The following HS1BP3 variants were observed in gnomAD, a reference collection of about 807,000 sequenced individuals.
HS1BP3 encodes HCLS1-binding protein 3.
A neutral mutation model predicts 33.5 loss-of-function variants in HS1BP3; 32 were observed. The observed-to-expected ratio is 0.95, with a 90% CI of 0.72 to 1.28. The LOEUF (loss-of-function observed/expected upper bound fraction) is 1.28. Ranked by LOEUF, HS1BP3 falls within the 50% of genes most tolerant of loss-of-function variation. The pLI is 0.00. For missense variants in HS1BP3, 486 were observed against 502.3 expected, an observed-to-expected ratio of 0.97 and a Z score of 0.31; for synonymous variants, 187 against 209.2, an observed-to-expected ratio of 0.89 and a Z score of 0.92.
chr2:20,641,295 C>T, intron 2 of HS1BP3, 115 bp from the exon 3 acceptor site: 1 of 881,626 alleles, frequency 1.1e-6, no homozygotes, highest in South Asian at 1.5e-5. Context: ...GCCAGGTACG[C>T]CCGCCTGCTG....
intron 5 of HS1BP3, among the ~76,000 whole-genome samples, chr2:20,583,339 G>T (rs1173004664): frequency 2.6e-5 from 4 of 151,408 alleles, no homozygotes; most frequent in Admixed American, 1.3e-4. Flanking sequence ...GAGCCAGGCA[G>T]GAACCAGGGA....
chr2:20,587,991 C>T (rs1693722618), downstream of HS1BP3, among the ~76,000 whole-genome samples: 1 of 151,992 alleles, frequency 6.6e-6, no homozygotes, highest in African/African-American at 2.4e-5. Context: ...GACACTTATC[C>T]CCACCCCAGG....
chr2:20,592,953 A>G (rs1255337435), intron 3 of HS1BP3, among the ~76,000 whole-genome samples: 6 of 152,180 alleles, frequency 3.9e-5, no homozygotes, highest in African/African-American at 1.4e-4. Context: ...CAAGAATTCA[A>G]CCCACGATAT....
At chr2:20,619,301 C>G in intron 6 of HS1BP3, 56 bp from the exon 7 acceptor site, 1 of 1,439,082 alleles carries the variant, frequency 6.9e-7, no homozygotes, top group South Asian at 1.3e-5. Context: ...GTGACAGGAA[C>G]AAGACCCCAG....
intron 5 of HS1BP3, among the ~76,000 whole-genome samples, chr2:20,575,212 C>T (rs1195611601): frequency 6.6e-6 from 1 of 152,224 alleles, no homozygotes; most frequent in East Asian, 1.9e-4. Flanking sequence ...TTCACACCCT[C>T]AAGGGAAGCA....
intron 6 of HS1BP3, chr2:20,622,070 G>T: frequency 1.6e-6 from 1 of 643,846 alleles, no homozygotes; most frequent in Non-Finnish European, 2.2e-6. Flanking sequence ...TGGCTGCACA[G>T]CCAGAAGGAA....
chr2:20,572,553 G>C (rs1415171312), intron 5 of HS1BP3, among the ~76,000 whole-genome samples: 2 of 150,272 alleles, frequency 1.3e-5, no homozygotes, highest in African/African-American at 4.9e-5. Flanking sequence ...TCAACTGTGA[G>C]ATCTCGGTCA....
At chr2:20,594,997 G>A (rs531963645) in intron 3 of HS1BP3, among the ~76,000 whole-genome samples, 2 of 152,074 alleles carry the variant, frequency 1.3e-5, no homozygotes, top group East Asian at 1.9e-4. Context: ...ACACGTTGTC[G>A]GGAGTAAAAA....
intron 2 of HS1BP3, 82 bp from the exon 3 acceptor site, chr2:20,641,262 G>C: frequency 5.4e-6 from 7 of 1,293,374 alleles, no homozygotes; most frequent in African/African-American, 1.5e-5. Flanking sequence ...GGGTTCCCAA[G>C]GCCCAGCAGC....
At chr2:20,575,289 C>A (rs919043343) in intron 5 of HS1BP3, among the ~76,000 whole-genome samples, 1 of 152,214 alleles carries the variant, frequency 6.6e-6, no homozygotes, top group African/African-American at 2.4e-5. Flanking sequence ...GAATCAGGGC[C>A]GCAGCCTGGA....
intron 2 of HS1BP3, among the ~76,000 whole-genome samples, chr2:20,601,813 C>G (rs905946938): frequency 5.5e-5 from 6 of 108,516 alleles, no homozygotes; most frequent in African/African-American, 1.4e-4. Context: ...GAGTCTTGCT[C>G]TGTTGCCCAG....
intron 5 of HS1BP3, chr2:20,586,694 T>A (rs140145831): frequency 3.1e-4 from 47 of 152,248 alleles, no homozygotes; most frequent in African/African-American, 8.9e-4. Context: ...GCAACACATA[T>A]ATGCAACAGA....
downstream of HS1BP3, among the ~76,000 whole-genome samples, chr2:20,560,089 G>A (rs981845344): frequency 5.3e-5 from 8 of 152,310 alleles, no homozygotes; most frequent in African/African-American, 1.7e-4. Context: ...GCAGGGCTGG[G>A]GAGGCACAGA....
intron 3 of HS1BP3, among the ~76,000 whole-genome samples, chr2:20,594,699 C>T (rs1227998474): frequency 2.0e-5 from 3 of 152,128 alleles, no homozygotes; most frequent in Non-Finnish European, 4.4e-5. Context: ...AACAAAATAC[C>T]GTGGATGGGG....
intron 6 of HS1BP3, among the ~76,000 whole-genome samples, chr2:20,622,019 A>G (rs1694615684): frequency 6.6e-6 from 1 of 151,774 alleles, no homozygotes. Context: ...GCGGAAGACA[A>G]GACTCACCTA....
chr2:20,635,224 C>T (rs774704014), intron 4 of HS1BP3: 5 of 152,150 alleles, frequency 3.3e-5, no homozygotes, highest in Non-Finnish European at 5.9e-5. Context: ...TGTAGAAGTT[C>T]CTCAGGTTAT....
rs150009176 is a variant in HS1BP3, at chr2:20,637,798, C to T, written c.623+638G>A. The T allele has an allele frequency of 3.3e-3, 507 of 153,102 alleles. 3 individuals are homozygous for T. Among genetic ancestry groups the T allele is most frequent in the Non-Finnish European group, 5.4e-3 (369 of 68,698 alleles). The allele number at this position is 153,102 out of a possible 1,614,324, so 9.5% of individuals were successfully genotyped here. On this transcript the variant is annotated intron_variant, in intron 4 of 6. Transcript: ENST00000304031. ...AAGAGACATTCGTTGTGGTAGAGAGCGGGGAGGACAGCACCCCTGGCCTGG... is the reference window on the plus strand; with the variant it reads ...AAGAGACATTCGTTGTGGTAGAGAGTGGGGAGGACAGCACCCCTGGCCTGG...
intron 4 of HS1BP3, among the ~76,000 whole-genome samples, chr2:20,625,322 G>A (rs1187762827): frequency 2.6e-5 from 4 of 152,194 alleles, no homozygotes; most frequent in Admixed American, 2.6e-4. Flanking sequence ...GCTCTTAGAC[G>A]CCTTCAGGCC....
chr2:20,557,684 G>T (rs772043064), downstream of HS1BP3, among the ~76,000 whole-genome samples: 1 of 152,198 alleles, frequency 6.6e-6, no homozygotes, highest in African/African-American at 2.4e-5. Context: ...AGGCAAGGAG[G>T]GTGCTCTGCA....
Sources: gnomAD v4.1 joint callset for allele counts (sites outside exome capture counted in the v4.1 genomes callset) on GRCh38, gnomAD v4.1.1 for gene constraint, MANE v1.5 for transcripts, NCBI Gene and HGNC (gene_info 2026-07-23, HGNC 2026-07-21) for gene names.